PDE6C: variants seen among roughly 807,000 people sequenced by gnomAD.
PDE6C encodes cone cGMP-specific 3',5'-cyclic phosphodiesterase subunit alpha'.
A neutral mutation model predicts 113.1 loss-of-function variants in PDE6C; 75 were observed. The observed-to-expected ratio is 0.66, with a 90% CI of 0.55 to 0.80. PDE6C has a LOEUF of 0.80. Among genes scored for constraint, PDE6C ranks in the 30% least tolerant of loss-of-function variants. PDE6C has a pLI of 0.00. For missense variants in PDE6C, 912 were observed against 1,038.6 expected (o/e 0.88, Z 1.67); for synonymous variants, 375 against 363.7 (o/e 1.03, Z -0.35).
intron 16 of PDE6C, among the ~76,000 whole-genome samples, chr10:93,658,189 A>AAG (rs1554891869): frequency 4.8e-4 from 67 of 140,174 alleles, no homozygotes; most frequent in Middle Eastern, 3.6e-3. Context: ...AAAAAAAAAA[A>AAG]AAAGAAAAAG....
rs2058685960 is a variant in PDE6C at position 93,665,486 on chromosome 10, G to A, written c.*68G>A. 2 of 1,041,476 alleles carry A rather than the reference G, an allele frequency of 1.9e-6. No individual in the cohort carries two copies. Among genetic ancestry groups the A allele is most frequent in the Admixed American group, 1.7e-5 (1 of 58,798 alleles). The allele number at this position is 1,041,476 out of a possible 1,614,324, so 64.5% of individuals were successfully genotyped here. A position where few individuals can be genotyped will look rare whatever the true frequency, so the allele number is the denominator to read the frequency against. ...GAAGAAAACCAGAAAACATTCAAAA[G>A]AACTTCAACAAATCATCACGTAACA... On this transcript the variant is annotated 3_prime_UTR_variant, in exon 22 of 22. Transcript: ENST00000371447.
At chr10:93,635,302 G>A (rs1462193417) in intron 9 of PDE6C, among the ~76,000 whole-genome samples, 195 bp from the exon 10 acceptor site, 1 of 151,986 alleles carries the variant, frequency 6.6e-6, no homozygotes, top group Non-Finnish European at 1.5e-5. Flanking sequence ...ATGGTGCATG[G>A]TACACTTTAA....
At chr10:93,614,352 C>T (rs753281987) in intron 1 of PDE6C, among the ~76,000 whole-genome samples, 2 of 152,168 alleles carry the variant, frequency 1.3e-5, no homozygotes, top group Non-Finnish European at 2.9e-5. Flanking sequence ...CACAGAACAC[C>T]GCTCAGGTGC....
chr10:93,622,127 C>A lies in PDE6C; in HGVS notation c.864+55C>A, dbSNP rs185913538. Reference sequence around the variant, plus strand: ...TCTCACATCGCCTATATAACACACACCACAGGAAATGTGATCCTTAAAAAA... The same window carrying A: ...TCTCACATCGCCTATATAACACACAACACAGGAAATGTGATCCTTAAAAAA... On this transcript the variant is annotated intron_variant, in intron 4 of 21. Transcript: ENST00000371447. 4.0e-6 allele frequency: 6 copies of A among 1,508,062 alleles called. No individual in the cohort carries two copies. The East Asian group carries it at 6.8e-5, about 17-fold the overall frequency. 93.4% of individuals were successfully genotyped at this position (1,508,062 alleles called of 1,614,324 possible).
chr10:93,619,394 G>A (rs575441047), intron 1 of PDE6C, among the ~76,000 whole-genome samples: 1 of 152,216 alleles, frequency 6.6e-6, no homozygotes, highest in East Asian at 1.9e-4. Flanking sequence ...TTTCACACAG[G>A]GTCAGTGGAA....
chr10:93,614,160 T>C (rs1004151320), intron 1 of PDE6C, among the ~76,000 whole-genome samples: 3 of 152,208 alleles, frequency 2.0e-5, no homozygotes, highest in Non-Finnish European at 2.9e-5. Flanking sequence ...AAGTGGATTA[T>C]GATGGAACAG....
intron 10 of PDE6C, among the ~76,000 whole-genome samples, chr10:93,636,368 T>TTGTGTGTGTG (rs56143950): frequency 0.11 from 15,035 of 140,808 alleles, 1,087 homozygotes; most frequent in African/African-American, 0.17. Flanking sequence ...TTCCCTGGCT[T>TTGTGTGTGTG]TGTGTGTGTG....
At chr10:93,638,846 G>C (rs1271097733) in intron 11 of PDE6C, among the ~76,000 whole-genome samples, 1 of 152,222 alleles carries the variant, frequency 6.6e-6, no homozygotes, top group African/African-American at 2.4e-5. Context: ...TTCTGTGCAA[G>C]AGTGTGAGGG....
At chr10:93,621,160 C>A (rs1207177823) in intron 3 of PDE6C, among the ~76,000 whole-genome samples, 180 bp downstream of exon 3, 1 of 152,120 alleles carries the variant, frequency 6.6e-6, no homozygotes, top group Non-Finnish European at 1.5e-5. Context: ...ACACACACTC[C>A]CCTGCACCCC....
chr10:93,636,434 G>A (rs933903538), intron 10 of PDE6C, among the ~76,000 whole-genome samples: 3 of 149,364 alleles, frequency 2.0e-5, no homozygotes, highest in Non-Finnish European at 3.0e-5. Context: ...GTTGGTTTTG[G>A]TGAGCATGTT....
intron 15 of PDE6C, among the ~76,000 whole-genome samples, chr10:93,647,010 G>T (rs1168457780): frequency 1.3e-5 from 2 of 152,212 alleles, no homozygotes; most frequent in Admixed American, 6.5e-5. Context: ...TTCTGCAGGA[G>T]CGGCTCAGCC....
intron 11 of PDE6C, among the ~76,000 whole-genome samples, chr10:93,637,337 G>A (rs916984517): frequency 7.9e-5 from 12 of 151,986 alleles, no homozygotes; most frequent in Non-Finnish European, 1.8e-4. Flanking sequence ...CAGAATCTAG[G>A]GATATCAAGG....
intron 15 of PDE6C, among the ~76,000 whole-genome samples, chr10:93,646,317 G>A (rs572294540): frequency 6.6e-6 from 1 of 152,080 alleles, no homozygotes; most frequent in Non-Finnish European, 1.5e-5. Flanking sequence ...GGATGCAAAA[G>A]GGCTCCGTGC....
At chr10:93,637,102 G>A (rs766100672) in intron 11 of PDE6C, 39 bp downstream of exon 11, 3 of 1,009,586 alleles carry the variant, frequency 3.0e-6, no homozygotes, top group South Asian at 1.3e-5. Flanking sequence ...CTGTTAAATA[G>A]AGGCATTATA....
At chr10:93,659,698 T>A (rs1164765255) in intron 18 of PDE6C, among the ~76,000 whole-genome samples, 1 of 152,154 alleles carries the variant, frequency 6.6e-6, no homozygotes, top group East Asian at 1.9e-4. Flanking sequence ...ACGGGAAAGA[T>A]TTGTCCCCAT....
chr10:93,633,475 A>ACT (rs2058512544), intron 8 of PDE6C, among the ~76,000 whole-genome samples: 2 of 144,310 alleles, frequency 1.4e-5, no homozygotes, highest in African/African-American at 5.0e-5. Flanking sequence ...CAAAAAAAAA[A>ACT]AAAAATAAAA....
At chr10:93,631,344 C>T (rs188986135) in intron 8 of PDE6C, among the ~76,000 whole-genome samples, 9 of 152,338 alleles carry the variant, frequency 5.9e-5, no homozygotes, top group East Asian at 1.9e-4. Context: ...TGAGGCCACA[C>T]GCTCCACAGG....
chr10:93,625,817 T>A (rs2058470765), intron 5 of PDE6C, among the ~76,000 whole-genome samples, 168 bp downstream of exon 5: 1 of 152,196 alleles, frequency 6.6e-6, no homozygotes, highest in Non-Finnish European at 1.5e-5. Context: ...CTAGAGCTGA[T>A]TGGCCCCTGC....
chr10:93,620,558 A>T, intron 1 of PDE6C, 74 bp from the exon 2 acceptor site: 1 of 1,434,152 alleles, frequency 7.0e-7, no homozygotes, highest in Non-Finnish European at 9.8e-7. Context: ...AGAGAGAATG[A>T]TCTGTCATCA....
Sources: allele counts gnomAD v4.1 joint callset (sites outside exome capture counted in the v4.1 genomes callset), GRCh38; gene constraint gnomAD v4.1.1; transcripts MANE v1.5; gene names NCBI Gene and HGNC (gene_info 2026-07-23, HGNC 2026-07-21).